The following CSMD1 variants were observed in gnomAD, a reference collection of about 807,000 sequenced individuals.
The protein encoded by CSMD1 is CUB and sushi domain-containing protein 1.
CSMD1 carries 213 observed loss-of-function variants against 417.5 expected under a neutral mutation model. The ratio of observed to expected loss-of-function variants is 0.51; its 90% CI spans 0.46 to 0.57. The LOEUF (loss-of-function observed/expected upper bound fraction) is 0.57, where lower values mean the gene tolerates loss of function less well. Ranked by LOEUF, CSMD1 falls within the 20% of genes least tolerant of loss-of-function variation. CSMD1 has a pLI of 0.00. For missense variants in CSMD1, 6,923 were observed against 4,529.7 expected, an observed-to-expected ratio of 1.53 and a Z score of -15.17; for synonymous variants, 2,862 against 1,736.8, an observed-to-expected ratio of 1.65 and a Z score of -16.11.
At position 4,797,933 on chromosome 8, in the gene CSMD1, T is replaced by C. The variant is rs1340027082; in HGVS notation, c.86-160375A>G. Reference sequence around the variant, plus strand: ...GAAGGGCATGACAGATCTCCATAAATGAAGACATACATATGTGCCTAGACT... The same window carrying C: ...GAAGGGCATGACAGATCTCCATAAACGAAGACATACATATGTGCCTAGACT... On this transcript the variant is annotated intron_variant, in intron 1 of 69. Coordinates refer to ENST00000635120, the MANE Select transcript of CSMD1 (RefSeq NM_033225.6). Among the ~76,000 whole-genome samples, 6 of 152,328 alleles carry C rather than the reference T, an allele frequency of 3.9e-5. No individual in the cohort carries two copies. The East Asian group carries it at 1.2e-3, about 29-fold the overall frequency.
chr8:3,900,511 C>G (rs1035413147), intron 5 of CSMD1, among the ~76,000 whole-genome samples: 3 of 151,796 alleles, frequency 2.0e-5, no homozygotes, highest in East Asian at 1.9e-4. Flanking sequence ...GACAGTAGAG[C>G]TGGATGACAC....
chr8:3,654,786 G>T (rs536419829), intron 7 of CSMD1, among the ~76,000 whole-genome samples: 166 of 152,208 alleles, frequency 1.1e-3, no homozygotes, highest in Non-Finnish European at 1.9e-3. Flanking sequence ...GCTCCCACTG[G>T]GTCTACCAGC....
At chr8:4,556,790 T>C (rs1798108859) in intron 2 of CSMD1, among the ~76,000 whole-genome samples, 1 of 152,196 alleles carries the variant, frequency 6.6e-6, no homozygotes, top group Non-Finnish European at 1.5e-5. Flanking sequence ...CCAAACTTTC[T>C]GAGTGCTGAC....
chr8:4,548,297 T>A (rs1409758850), intron 2 of CSMD1, among the ~76,000 whole-genome samples: 2 of 152,300 alleles, frequency 1.3e-5, no homozygotes, highest in East Asian at 3.9e-4. Flanking sequence ...TTTAATTTAG[T>A]CATGTATAAG....
At chr8:4,461,705 C>T (rs960893775) in intron 2 of CSMD1, among the ~76,000 whole-genome samples, 2 of 150,886 alleles carry the variant, frequency 1.3e-5, no homozygotes, top group African/African-American at 4.9e-5. Flanking sequence ...CAAACACCAC[C>T]ATAGCCAGCT....
chr8:4,826,161 G>T (rs890329060), intron 1 of CSMD1, among the ~76,000 whole-genome samples: 3 of 151,954 alleles, frequency 2.0e-5, no homozygotes, highest in African/African-American at 7.3e-5. Context: ...TTCAAATCAG[G>T]ATCTTGTAGA....
chr8:3,429,302 T>C lies in CSMD1; in HGVS notation c.1562-19697A>G, dbSNP rs144991716. ...CTGAAGCATAAATAAACAGAAATGA[T>C]AATAAAATGCTGAAGGAAATATAAA... is the stretch of plus-strand genomic sequence containing the variant. On this transcript the variant is annotated intron_variant, in intron 12 of 69. Coordinates refer to ENST00000635120, the MANE Select transcript of CSMD1 (RefSeq NM_033225.6). Among the ~76,000 whole-genome samples, 1,390 of 152,274 alleles carry C rather than the reference T, an allele frequency of 9.1e-3. 82 individuals are homozygous for C. Among genetic ancestry groups the C allele is most frequent in the Admixed American group, 0.078 (1,197 of 15,296 alleles).
intron 37 of CSMD1, among the ~76,000 whole-genome samples, chr8:3,173,797 G>A (rs998587986): frequency 6.6e-6 from 1 of 152,102 alleles, no homozygotes; most frequent in Non-Finnish European, 1.5e-5. Context: ...ACTCTCCTCA[G>A]TAGTGTTAAT....
At chr8:4,325,971 C>A (rs564727180) in intron 3 of CSMD1, among the ~76,000 whole-genome samples, 1 of 152,120 alleles carries the variant, frequency 6.6e-6, no homozygotes, top group African/African-American at 2.4e-5. Context: ...TACAGTAGCA[C>A]AATTTCCTTC....
At chr8:3,261,486 C>G (rs1315740086) in intron 26 of CSMD1, among the ~76,000 whole-genome samples, 1 of 152,068 alleles carries the variant, frequency 6.6e-6, no homozygotes, top group East Asian at 1.9e-4. Flanking sequence ...TAACCAAATA[C>G]CACCTGAACC....
At chr8:3,849,241 C>G (rs781512825) in intron 5 of CSMD1, among the ~76,000 whole-genome samples, 1 of 152,014 alleles carries the variant, frequency 6.6e-6, no homozygotes, top group Non-Finnish European at 1.5e-5. Flanking sequence ...AGGAATAAAA[C>G]GAAACAAAAC....
At chr8:3,521,816 C>T (rs1233789173) in intron 10 of CSMD1, among the ~76,000 whole-genome samples, 2 of 152,158 alleles carry the variant, frequency 1.3e-5, no homozygotes, top group Non-Finnish European at 2.9e-5. Context: ...GTATACACAC[C>T]TTCTTAGCTT....
intron 7 of CSMD1, among the ~76,000 whole-genome samples, chr8:3,627,797 C>T (rs1796567716): frequency 1.3e-5 from 2 of 152,174 alleles, no homozygotes; most frequent in African/African-American, 4.8e-5. Context: ...GCCAGCACAT[C>T]TTGTTTATTT....
intron 2 of CSMD1, among the ~76,000 whole-genome samples, chr8:4,549,746 A>T (rs564659895): frequency 1.2e-4 from 18 of 151,772 alleles, no homozygotes; most frequent in African/African-American, 4.1e-4. Context: ...TAAATACAAA[A>T]ATTAGCTGGG....
intron 40 of CSMD1, among the ~76,000 whole-genome samples, chr8:3,144,443 G>A (rs932009923): frequency 6.6e-6 from 1 of 151,970 alleles, no homozygotes; most frequent in Non-Finnish European, 1.5e-5. Context: ...ACAAAATACA[G>A]AAGAAAAAGA....
At chr8:4,692,019 G>A (rs1806798893) in intron 1 of CSMD1, among the ~76,000 whole-genome samples, 1 of 152,290 alleles carries the variant, frequency 6.6e-6, no homozygotes, top group South Asian at 2.1e-4. Context: ...GTACAGCAGA[G>A]CTCAGTCCTA....
chr8:3,259,617 A>G (rs1009886158), intron 26 of CSMD1, among the ~76,000 whole-genome samples: 4 of 152,158 alleles, frequency 2.6e-5, no homozygotes, highest in African/African-American at 9.7e-5. Flanking sequence ...TGACATGACA[A>G]ATTCCTCCTC....
intron 33 of CSMD1, among the ~76,000 whole-genome samples, chr8:3,191,385 G>A (rs1180770136): frequency 6.6e-6 from 1 of 152,162 alleles, no homozygotes; most frequent in Non-Finnish European, 1.5e-5. Flanking sequence ...CACCCTGGGA[G>A]GCATAAGTTG....
chr8:4,664,022 T>C (rs1804768003), intron 1 of CSMD1, among the ~76,000 whole-genome samples: 1 of 152,212 alleles, frequency 6.6e-6, no homozygotes, highest in Admixed American at 6.5e-5. Context: ...AACACAATGC[T>C]GTTCTGATGA....
Sources: gnomAD v4.1 joint callset for allele counts (sites outside exome capture counted in the v4.1 genomes callset) on GRCh38, gnomAD v4.1.1 for gene constraint, MANE v1.5 for transcripts, NCBI Gene and HGNC (gene_info 2026-07-23, HGNC 2026-07-21) for gene names.